Variants in UBR4 observed in about 807,000 individuals in gnomAD.
The protein encoded by UBR4 is E3 ubiquitin-protein ligase UBR4.
Under a neutral mutation model 575.6 loss-of-function variants are expected in UBR4, and 124 were observed. The ratio of observed to expected loss-of-function variants is 0.22; its 90% CI spans 0.19 to 0.25. UBR4 has a LOEUF of 0.25. UBR4 is among the 10% of genes least tolerant of loss of function. The pLI, the probability that UBR4 is intolerant of heterozygous loss-of-function variation, is 1.00. For synonymous variants in UBR4, 2,455 were observed against 2,473.7 expected (o/e 0.99, Z 0.22); for missense variants, 4,818 against 6,478.8 (o/e 0.74, Z 8.80).
chr1:19,117,441 G>GT lies in UBR4; in HGVS notation c.10630-28dup. The GT allele has an allele frequency of 6.2e-7, 1 of 1,610,442 alleles. No homozygotes were observed. Among genetic ancestry groups the GT allele is most frequent in the Non-Finnish European group, 8.5e-7 (1 of 1,176,888 alleles). On this transcript the variant is annotated intron_variant, in intron 72 of 105. Transcript: ENST00000375254. The surrounding 1 kb of genome is among the most constrained non-coding windows in gnomAD (Gnocchi z 4.0). ...TAAATACAAGAGTTCACAAAACATGGTATTAGTTCAAGACTCGTACTGCCT... is the reference window on the plus strand; with the variant it reads ...TAAATACAAGAGTTCACAAAACATGGTTATTAGTTCAAGACTCGTACTGCCT...
chr1:19,150,416 G>A (rs1257970436), intron 49 of UBR4, among the ~76,000 whole-genome samples, 161 bp downstream of exon 49: 4 of 152,156 alleles, frequency 2.6e-5, no homozygotes, highest in African/African-American at 9.7e-5. Flanking sequence ...GGCTTTGCAC[G>A]CTAAAGAGAC....
chr1:19,096,679 T>G, intron 91 of UBR4, 29 bp from the exon 92 acceptor site: 3 of 1,612,464 alleles, frequency 1.9e-6, no homozygotes. Context: ...CAAGCAGAAA[T>G]GGAGGGTAAG....
At chr1:19,180,509 A>G (rs190070026) in intron 17 of UBR4, among the ~76,000 whole-genome samples, 107 of 147,516 alleles carry the variant, frequency 7.3e-4, no homozygotes, top group African/African-American at 2.5e-3. Context: ...GTCATAAACA[A>G]CTTCTTAATT....
At chr1:19,123,163 G>A (rs2081355239) in intron 65 of UBR4, 103 bp from the exon 66 acceptor site, 2 of 1,311,102 alleles carry the variant, frequency 1.5e-6, no homozygotes, top group East Asian at 5.0e-5. Flanking sequence ...ATTAAAAGCT[G>A]GGGACAGGCC....
At chr1:19,197,304 C>A in intron 7 of UBR4, 39 bp from the exon 8 acceptor site, 1 of 1,612,994 alleles carries the variant, frequency 6.2e-7, no homozygotes, top group South Asian at 1.1e-5. Context: ...CTCTTAGAAT[C>A]ATTCACTTCT....
chr1:19,115,999 T>C (rs2080482161), intron 73 of UBR4, among the ~76,000 whole-genome samples: 1 of 152,082 alleles, frequency 6.6e-6, no homozygotes, highest in African/African-American at 2.4e-5. Flanking sequence ...GACAGCAACC[T>C]TGGAAAGATA....
rs1359162113 is a variant in UBR4, at chr1:19,185,190, G to A, written c.1847C>T (p.Pro616Leu). The A allele has an allele frequency of 3.1e-6, 5 of 1,614,146 alleles. No individual in the cohort carries two copies. Among genetic ancestry groups the A allele is most frequent in the Non-Finnish European group, 3.4e-6 (4 of 1,180,008 alleles). Residue 616 changes from proline (P) to leucine (L), a missense_variant, in exon 15 of 106, where the codon CCA becomes CTA. By Grantham distance (98) the Pro-to-Leu change is moderately conservative (BLOSUM62 -3). Coordinates refer to ENST00000375254, the MANE Select transcript of UBR4 (RefSeq NM_020765.3). Reference sequence around the variant, plus strand: ...TTTAACCCGAGGAGAGCTTTCCAGTGGAGGAGGTGGGGGAGGAGGCGGAGG... The same window carrying A: ...TTTAACCCGAGGAGAGCTTTCCAGTAGAGGAGGTGGGGGAGGAGGCGGAGG... ...AAPPPPPPPPPLESSPRVKSP... is the reference protein window; with the variant it reads ...AAPPPPPPPPLLESSPRVKSP...
intron 7 of UBR4, 99 bp downstream of exon 7, chr1:19,197,571 G>C: frequency 6.6e-7 from 1 of 1,504,562 alleles, no homozygotes; most frequent in Non-Finnish European, 8.9e-7. Flanking sequence ...AGGTTACAGT[G>C]AACCGAGACT....
chr1:19,208,526 C>T (rs890712633), intron 1 of UBR4, among the ~76,000 whole-genome samples: 32 of 151,022 alleles, frequency 2.1e-4, no homozygotes, highest in Non-Finnish European at 7.4e-5. Context: ...TACCAAAGAC[C>T]CATCAGTTTG....
chr1:19,141,873 C>CT, intron 55 of UBR4, 96 bp from the exon 56 acceptor site: 1 of 1,547,808 alleles, frequency 6.5e-7, no homozygotes, highest in Non-Finnish European at 8.7e-7. Flanking sequence ...CCAAGACAAG[C>CT]TACCAGCTAG....
chr1:19,119,650 G>T lies in UBR4; in HGVS notation c.10362C>A (p.Ile3454=). Reference sequence around the variant, plus strand: ...GACCATAGGCTGGGAGTTCTGGCCAGATGGACCACATCAGATCTAGCAGGA... The same window carrying T: ...GACCATAGGCTGGGAGTTCTGGCCATATGGACCACATCAGATCTAGCAGGA... ...QELLLDLMWS[I]WPELPAYGRK... The change falls in exon 70 of 106, where the codon ATC becomes ATA. Residue 3454 remains isoleucine (I), a synonymous_variant. Coordinates refer to ENST00000375254, the MANE Select transcript of UBR4 (RefSeq NM_020765.3). 2.5e-6 allele frequency: 4 copies of T among 1,614,046 alleles called. No individual in the cohort carries two copies. Among genetic ancestry groups the T allele is most frequent in the Non-Finnish European group, 3.4e-6 (4 of 1,179,884 alleles).
chr1:19,194,003 G>A (rs1331201863), intron 8 of UBR4, among the ~76,000 whole-genome samples: 3 of 152,222 alleles, frequency 2.0e-5, no homozygotes, highest in Non-Finnish European at 2.9e-5. Context: ...AAACTAGAGA[G>A]ACAGTGGAGA....
At chr1:19,132,804 G>A (rs2082701534) in intron 60 of UBR4, among the ~76,000 whole-genome samples, 1 of 151,734 alleles carries the variant, frequency 6.6e-6, no homozygotes, top group Non-Finnish European at 1.5e-5. Flanking sequence ...AGATTGTCAA[G>A]ACATTAAAAA....
In UBR4 at chr1:19,121,918, G is replaced by T; in HGVS notation, c.9895+16C>A. 6.2e-7 allele frequency: 1 copy of T among 1,614,006 alleles called. No individual in the cohort carries two copies. Among genetic ancestry groups the T allele is most frequent in the South Asian group, 1.1e-5 (1 of 91,058 alleles). On this transcript the variant is annotated intron_variant, in intron 67 of 105. Transcript: ENST00000375254. ...ATGAATGAATAACAGCAATCAAAAG[G>T]AGCAGCATTGCTTACAGTCATCTTT...
At chr1:19,186,706 G>T (rs773293072) in intron 13 of UBR4, 49 bp from the exon 14 acceptor site, 1 of 1,560,680 alleles carries the variant, frequency 6.4e-7, no homozygotes, top group Non-Finnish European at 8.8e-7. Context: ...TTAATCTCAT[G>T]CATCGCATGA....
chr1:19,161,146 G>A lies in UBR4; in HGVS notation c.5177C>T (p.Ala1726Val), dbSNP rs1243596418. ...ACTGCTAGGAGTTCTCTTCACCAGAGCCTAGGGACAGAAAATGTCAGAGTC... is the reference window on the plus strand; with the variant it reads ...ACTGCTAGGAGTTCTCTTCACCAGAACCTAGGGACAGAAAATGTCAGAGTC... ...CGAKEDGSCL[A>V]LVKRTPSSGM... Residue 1726 changes from alanine (A) to valine (V), a missense_variant and splice_region_variant, in exon 38 of 106, where the codon GCT (alanine) becomes GTT (valine). By Grantham distance (64) the Ala-to-Val change is moderately conservative (BLOSUM62 0). Around this residue, in one of 29 missense-constraint regions of UBR4, gnomAD observed 159 missense variants for 174.6 expected, o/e 0.91. Transcript: ENST00000375254. The A allele has an allele frequency of 6.2e-7, 1 of 1,613,742 alleles. No individual in the cohort carries two copies.
At chr1:19,190,312 A>AAAAAAAAAAAAAAATATAT in intron 11 of UBR4, among the ~76,000 whole-genome samples, 9 of 79,908 alleles carry the variant, frequency 1.1e-4, no homozygotes, top group African/African-American at 4.3e-4. Flanking sequence ...AAAAAAAAAA[A>AAAAAAAAAAAAAAATATAT]ATATATATAT....
rs754554782 is a variant in UBR4 at position 19,153,878 on chromosome 1, G to A, written c.6520C>T (p.Pro2174Ser). The A allele has an allele frequency of 1.2e-6, 2 of 1,614,004 alleles. No homozygotes were observed. The highest frequency in any genetic ancestry group is 1.3e-5 in the African/African-American group (1 of 74,900). The change falls in exon 45 of 106, where the codon CCT becomes TCT. Residue 2174 changes from proline to serine, a missense_variant. Around this residue, in one of 29 missense-constraint regions of UBR4, gnomAD observed 461 missense variants for 606.9 expected, o/e 0.76. Coordinates refer to ENST00000375254, the MANE Select transcript of UBR4 (RefSeq NM_020765.3). This position sits in a 1 kb window ranked among gnomAD's most constrained non-coding sequence, Gnocchi z 4.1. Reference protein sequence around the residue: ...LCQWSEVMNHPGLVCCVQQTT... With the variant: ...LCQWSEVMNHSGLVCCVQQTT... ...TGCTGGACACAGCACACCAAGCCAG[G>A]GTGGTTCATCACCTCAGACCACTGG... is the stretch of plus-strand genomic sequence containing the variant.
At chr1:19,167,903 G>T in intron 28 of UBR4, 124 bp downstream of exon 28, 1 of 1,096,526 alleles carries the variant, frequency 9.1e-7, no homozygotes, top group South Asian at 2.6e-5. Context: ...AAAGCAACAG[G>T]TTCTTTTTGC....
Sources: allele counts gnomAD v4.1 joint callset (sites outside exome capture counted in the v4.1 genomes callset), GRCh38; gene constraint gnomAD v4.1.1; regional missense constraint gnomAD v4.1.1; non-coding constraint Gnocchi (gnomAD v3.1); transcripts MANE v1.5; gene names NCBI Gene and HGNC (gene_info 2026-07-23, HGNC 2026-07-21).